MYO5A: variants seen among roughly 807,000 people sequenced by gnomAD.
MYO5A encodes the protein unconventional myosin-Va.
A neutral mutation model predicts 249.7 loss-of-function variants in MYO5A; 98 were observed. The ratio of observed to expected loss-of-function variants is 0.39; its 90% CI spans 0.33 to 0.46. The LOEUF (loss-of-function observed/expected upper bound fraction) is 0.46. Ranked by LOEUF, MYO5A falls within the 20% of genes least tolerant of loss-of-function variation. The pLI, the probability that MYO5A is intolerant of heterozygous loss-of-function variation, is 0.98. For missense variants in MYO5A, 1,696 were observed against 2,308.8 expected (o/e 0.73, Z 5.44); for synonymous variants, 778 against 810.6 (o/e 0.96, Z 0.68).
intron 25 of MYO5A, among the ~76,000 whole-genome samples, chr15:52,357,680 C>T (rs979931596): frequency 7.2e-5 from 11 of 152,028 alleles, no homozygotes; most frequent in Admixed American, 2.0e-4. Context: ...ATTCTGAGCC[C>T]GGATGACACA....
At chr15:52,459,452 C>T in intron 1 of MYO5A, among the ~76,000 whole-genome samples, 1 of 152,026 alleles carries the variant, frequency 6.6e-6, no homozygotes, top group East Asian at 1.9e-4. Context: ...CCTTAGTGGA[C>T]ACAGCACATG....
intron 36 of MYO5A, chr15:52,323,683 C>T (rs986772892): frequency 1.9e-5 from 8 of 419,104 alleles, no homozygotes; most frequent in East Asian, 1.1e-4. Flanking sequence ...TAAACTGATG[C>T]GAATTTAGCT....
At chr15:52,517,268 T>C (rs2077514682) in intron 1 of MYO5A, among the ~76,000 whole-genome samples, 1 of 152,208 alleles carries the variant, frequency 6.6e-6, no homozygotes, top group Non-Finnish European at 1.5e-5. Flanking sequence ...TAACTAAAAC[T>C]GACTAAGCAG....
At chr15:52,329,905 ATTTTT>A (rs58058940) in intron 35 of MYO5A, among the ~76,000 whole-genome samples, 10,078 of 118,884 alleles carry the variant, frequency 0.085, 770 homozygotes, top group East Asian at 0.39. Context: ...CGCCTGGGTA[ATTTTT>A]TTTTTTTTTT....
intron 25 of MYO5A, 87 bp downstream of exon 25, chr15:52,359,881 A>G (rs573728701): frequency 2.2e-6 from 2 of 903,448 alleles, no homozygotes; most frequent in East Asian, 5.2e-5. Flanking sequence ...TTTATGGCCA[A>G]TTGGAGTCTG....
rs146273442 is a variant in MYO5A at position 52,488,378 on chromosome 15, T to TG, written c.27+40401dup. Among the ~76,000 whole-genome samples the TG allele has an allele frequency of 5.6e-3, 858 of 152,326 alleles. 1 individual carries two copies. Among genetic ancestry groups the TG allele is most frequent in the Middle Eastern group, 0.014 (4 of 294 alleles). On this transcript the variant is annotated intron_variant, in intron 1 of 41. Transcript: ENST00000399233. ...CATATTTCCCCAAAAGAGCTATAAT[T>TG]GGGGTCTGCATTTCTGAAGCATATG...
intron 1 of MYO5A, among the ~76,000 whole-genome samples, chr15:52,448,678 C>T (rs1020185822): frequency 1.3e-5 from 2 of 152,102 alleles, no homozygotes; most frequent in African/African-American, 4.8e-5. Context: ...GTGACTGGAT[C>T]ACGGGGGAGG....
At chr15:52,334,264 A>G (rs1213341225) in intron 34 of MYO5A, among the ~76,000 whole-genome samples, 1 of 152,250 alleles carries the variant, frequency 6.6e-6, no homozygotes, top group African/African-American at 2.4e-5. Flanking sequence ...AAAATTTACT[A>G]AAGTATGGCA....
chr15:52,506,702 G>A lies in MYO5A; in HGVS notation c.27+22078C>T, dbSNP rs1049241829. On this transcript the variant is annotated intron_variant, in intron 1 of 41. Transcript: ENST00000399233. Reference sequence around the variant, plus strand: ...AAATACAAAATTAGCCGGCGTGGTTGCCTGCACCTGTAATCCCAGATACAC... The same window carrying A: ...AAATACAAAATTAGCCGGCGTGGTTACCTGCACCTGTAATCCCAGATACAC... Among the ~76,000 whole-genome samples, 3 of 152,076 alleles carry A rather than the reference G, an allele frequency of 2.0e-5. No individual in the cohort carries two copies. The East Asian group carries it at 5.8e-4, about 29-fold the overall frequency.
chr15:52,501,423 G>A (rs2077156516), intron 1 of MYO5A, among the ~76,000 whole-genome samples: 2 of 152,088 alleles, frequency 1.3e-5, no homozygotes, highest in East Asian at 3.9e-4. Context: ...AACATTGTGA[G>A]GCCCCGTTTC....
chr15:52,402,549 T>A (rs2042809651), intron 9 of MYO5A, among the ~76,000 whole-genome samples: 1 of 152,094 alleles, frequency 6.6e-6, no homozygotes, highest in African/African-American at 2.4e-5. Context: ...CAGTAACTTT[T>A]AAAGCTCATT....
At position 52,370,428 on chromosome 15, in the gene MYO5A, A is replaced by ACACATAAG; in HGVS notation, c.2818-19_2818-12dup. On this transcript the variant is annotated splice_polypyrimidine_tract_variant and intron_variant, in intron 21 of 41. Transcript: ENST00000399233. ...TTTGTAGTCTTTGTTCTTTAAACAT[A>ACACATAAG]CACATAAGTAACAATAAGTAAATAC... 6.2e-7 allele frequency: 1 copy of ACACATAAG among 1,603,824 alleles called. No individual in the cohort carries two copies. Among genetic ancestry groups the ACACATAAG allele is most frequent in the Non-Finnish European group, 8.5e-7 (1 of 1,170,920 alleles).
intron 1 of MYO5A, among the ~76,000 whole-genome samples, chr15:52,528,233 C>A (rs752001906): frequency 6.6e-6 from 1 of 152,178 alleles, no homozygotes; most frequent in Non-Finnish European, 1.5e-5. Flanking sequence ...CATCTTTCCC[C>A]GGGGCTCGCC....
At position 52,374,573 on chromosome 15, in the gene MYO5A, A is replaced by G. The variant is rs76341304; in HGVS notation, c.2577+731T>C. Reference sequence around the variant, plus strand: ...ACCAAATGCTATCATAATTATTCTTATAAGAGGCAGATAGGAGAAGTCAAG... The same window carrying G: ...ACCAAATGCTATCATAATTATTCTTGTAAGAGGCAGATAGGAGAAGTCAAG... On this transcript the variant is annotated intron_variant, in intron 20 of 41. Coordinates refer to ENST00000399233, the MANE Select transcript of MYO5A (RefSeq NM_001382347.1). Among the ~76,000 whole-genome samples the G allele has an allele frequency of 2.2e-3, 335 of 152,356 alleles. 2 individuals carry two copies. Among genetic ancestry groups the G allele is most frequent in the African/African-American group, 7.7e-3 (322 of 41,592 alleles).
chr15:52,378,330 G>A (rs2041535558), intron 18 of MYO5A, among the ~76,000 whole-genome samples: 1 of 151,764 alleles, frequency 6.6e-6, no homozygotes, highest in African/African-American at 2.4e-5. Context: ...AGACCAGCCT[G>A]GCCAACATGG....
At chr15:52,388,412 T>C (rs1183443730) in intron 13 of MYO5A, among the ~76,000 whole-genome samples, 1 of 152,200 alleles carries the variant, frequency 6.6e-6, no homozygotes, top group East Asian at 1.9e-4. Flanking sequence ...GCAGGACTAC[T>C]TGAGAATGGA....
At chr15:52,468,110 G>C (rs1259456845) in intron 1 of MYO5A, among the ~76,000 whole-genome samples, 3 of 152,208 alleles carry the variant, frequency 2.0e-5, no homozygotes, top group Admixed American at 6.5e-5. Context: ...AGCACTTTGA[G>C]AAGCTGAGGC....
intron 1 of MYO5A, among the ~76,000 whole-genome samples, chr15:52,505,004 TGTC>T (rs1228630590): frequency 3.3e-5 from 5 of 152,096 alleles, no homozygotes; most frequent in Non-Finnish European, 7.4e-5. Flanking sequence ...AGCTCAATAA[TGTC>T]GTTAAGAACT....
At chr15:52,346,787 T>C (rs2039657079) in intron 29 of MYO5A, among the ~76,000 whole-genome samples, 1 of 151,034 alleles carries the variant, frequency 6.6e-6, no homozygotes. Context: ...TATATATATA[T>C]TTTATAAAGT....
Sources: gnomAD v4.1 joint callset for allele counts (sites outside exome capture counted in the v4.1 genomes callset) on GRCh38, gnomAD v4.1.1 for gene constraint, MANE v1.5 for transcripts, NCBI Gene and HGNC (gene_info 2026-07-23, HGNC 2026-07-21) for gene names.